The following PLCB4 variants were observed in gnomAD, a reference collection of about 807,000 sequenced individuals.
The protein encoded by PLCB4 is phospholipase C beta 4.
Under a neutral mutation model 178.8 loss-of-function variants are expected in PLCB4, and 77 were observed. That is an observed-to-expected ratio of 0.43 (90% CI 0.36 to 0.52). The LOEUF (loss-of-function observed/expected upper bound fraction) is 0.52. PLCB4 is among the 20% of genes least tolerant of loss of function. The pLI, the probability that PLCB4 is intolerant of heterozygous loss-of-function variation, is 0.00. For missense variants in PLCB4, 1,024 were observed against 1,453.4 expected (o/e 0.70, Z 4.80); for synonymous variants, 496 against 490.8 (o/e 1.01, Z -0.14).
rs183486458 is a variant in PLCB4 at position 9,443,198 on chromosome 20, T to C, written c.2765-783T>C. 2.0e-3 allele frequency among the ~76,000 whole-genome samples: 310 copies of C among 152,344 alleles called. 2 individuals carry two copies. Among genetic ancestry groups the C allele is most frequent in the African/African-American group, 7.0e-3 (291 of 41,586 alleles). The stretch of plus-strand genomic sequence containing the variant: ...ATTATTTCCTGTATGTTTAAGGCAT[T>C]GCTGTGCTCAATAGCACATTGCTTA... On this transcript the variant is annotated intron_variant, in intron 30 of 39. Transcript: ENST00000378473.
chr20:9,321,761 G>A (rs1201761176), intron 4 of PLCB4, among the ~76,000 whole-genome samples: 1 of 151,618 alleles, frequency 6.6e-6, no homozygotes, highest in Non-Finnish European at 1.5e-5. Context: ...AGCCTCCCAA[G>A]TACCTGGGAC....
chr20:9,092,329 C>G (rs1484882901), intron 1 of PLCB4, among the ~76,000 whole-genome samples: 1 of 152,108 alleles, frequency 6.6e-6, no homozygotes, highest in African/African-American at 2.4e-5. Flanking sequence ...TAGGAAAGCA[C>G]AGTGTGGCTC....
At chr20:9,427,228 AAAC>A (rs535755725) in intron 28 of PLCB4, among the ~76,000 whole-genome samples, 29 of 152,202 alleles carry the variant, frequency 1.9e-4, no homozygotes, top group Admixed American at 1.2e-3. Context: ...CTGTCTCCAA[AAAC>A]AACAACAACA....
At chr20:9,261,820 A>T (rs1279661326) in intron 3 of PLCB4, among the ~76,000 whole-genome samples, 1 of 152,204 alleles carries the variant, frequency 6.6e-6, no homozygotes, top group Non-Finnish European at 1.5e-5. Flanking sequence ...GTGCACTTCG[A>T]TACTCTCCAA....
intron 2 of PLCB4, among the ~76,000 whole-genome samples, chr20:9,101,373 C>T (rs570527852): frequency 4.0e-4 from 61 of 152,064 alleles, no homozygotes; most frequent in Non-Finnish European, 8.2e-4. Context: ...TAAATCATTG[C>T]GTTATGGATG....
chr20:9,277,864 G>A (rs2094463197), intron 3 of PLCB4, among the ~76,000 whole-genome samples: 1 of 151,904 alleles, frequency 6.6e-6, no homozygotes, highest in African/African-American at 2.4e-5. Flanking sequence ...AAATGAAACT[G>A]TTTTTTGCAA....
intron 25 of PLCB4, among the ~76,000 whole-genome samples, chr20:9,418,568 G>C (rs1397044361): frequency 6.6e-6 from 1 of 152,032 alleles, no homozygotes; most frequent in Non-Finnish European, 1.5e-5. Flanking sequence ...ATTAAATCTT[G>C]TAGCTTAGTA....
intron 28 of PLCB4, among the ~76,000 whole-genome samples, chr20:9,434,643 T>C (rs1042665802): frequency 6.6e-6 from 1 of 152,160 alleles, no homozygotes; most frequent in African/African-American, 2.4e-5. Context: ...CCCAAAGTAC[T>C]GGGATTACCG....
intron 2 of PLCB4, among the ~76,000 whole-genome samples, chr20:9,098,761 GTGTA>G (rs913889341): frequency 4.4e-4 from 65 of 147,230 alleles, no homozygotes; most frequent in Non-Finnish European, 6.7e-4. Flanking sequence ...GTGTGTGTGT[GTGTA>G]TATATATATG....
At chr20:9,374,713 A>C (rs2036525847) in intron 12 of PLCB4, among the ~76,000 whole-genome samples, 1 of 152,154 alleles carries the variant, frequency 6.6e-6, no homozygotes, top group Admixed American at 6.6e-5. Flanking sequence ...GGATAAGTGC[A>C]GTATTTATAG....
At chr20:9,377,375 G>GCT (rs2148331261) in intron 12 of PLCB4, among the ~76,000 whole-genome samples, 1 of 152,278 alleles carries the variant, frequency 6.6e-6, no homozygotes. Flanking sequence ...TTGTGTCTCT[G>GCT]TGGAACTCTA....
At chr20:9,269,209 G>A (rs2094379274) in intron 3 of PLCB4, among the ~76,000 whole-genome samples, 1 of 152,122 alleles carries the variant, frequency 6.6e-6, no homozygotes, top group Admixed American at 6.6e-5. Flanking sequence ...CCACGGATAT[G>A]CAAACATTTA....
At chr20:9,327,642 G>C (rs1402678557) in intron 4 of PLCB4, among the ~76,000 whole-genome samples, 1 of 149,930 alleles carries the variant, frequency 6.7e-6, no homozygotes, top group Non-Finnish European at 1.5e-5. Context: ...CAGACGTGGT[G>C]GTGGGCGCCT....
chr20:9,301,277 T>C (rs2094699879), intron 3 of PLCB4, among the ~76,000 whole-genome samples: 1 of 151,922 alleles, frequency 6.6e-6, no homozygotes, highest in Non-Finnish European at 1.5e-5. Flanking sequence ...TTGGGGGCCA[T>C]TTATTCAGCC....
At chr20:9,163,436 C>T (rs1690999184) in intron 2 of PLCB4, among the ~76,000 whole-genome samples, 1 of 152,098 alleles carries the variant, frequency 6.6e-6, no homozygotes, top group Admixed American at 6.6e-5. Context: ...GCCAAAATCC[C>T]TAATTGGGAA....
At chr20:9,104,813 T>C (rs1033721013) in intron 2 of PLCB4, among the ~76,000 whole-genome samples, 2 of 152,074 alleles carry the variant, frequency 1.3e-5, no homozygotes, top group Non-Finnish European at 2.9e-5. Context: ...ACATGAAGAC[T>C]TCCTTAAGCT....
intron 2 of PLCB4, among the ~76,000 whole-genome samples, chr20:9,215,321 C>T (rs2093718200): frequency 6.6e-6 from 1 of 152,104 alleles, no homozygotes; most frequent in Non-Finnish European, 1.5e-5. Flanking sequence ...TGGTAAATGT[C>T]ATGGAAGAAG....
At chr20:9,372,862 G>A (rs1602184813) in intron 11 of PLCB4, among the ~76,000 whole-genome samples, 185 bp from the exon 12 acceptor site, 1 of 149,490 alleles carries the variant, frequency 6.7e-6, no homozygotes, top group South Asian at 2.1e-4. Context: ...TCCTTCTGTT[G>A]TTGTTGTTGT....
chr20:9,309,580 A>T, intron 4 of PLCB4, among the ~76,000 whole-genome samples: 1 of 152,196 alleles, frequency 6.6e-6, no homozygotes. Flanking sequence ...AATACCTGTA[A>T]CCACCAAATT....
Sources: gnomAD v4.1 joint callset for allele counts (sites outside exome capture counted in the v4.1 genomes callset) on GRCh38, gnomAD v4.1.1 for gene constraint, MANE v1.5 for transcripts, NCBI Gene and HGNC (gene_info 2026-07-23, HGNC 2026-07-21) for gene names.